The following TMEM163 variants were observed in gnomAD, a reference collection of about 807,000 sequenced individuals.
TMEM163 encodes the protein transmembrane protein 163.
In TMEM163, 17 loss-of-function variants were observed where a neutral mutation model predicts 29.3. The observed-to-expected ratio is 0.58, with a 90% CI of 0.40 to 0.87. TMEM163 has a LOEUF of 0.87. Among genes scored for constraint, TMEM163 ranks in the 40% least tolerant of loss-of-function variants. The probability of loss-of-function intolerance (pLI) is 0.00; values close to 1 mark genes in which losing one functional copy is unlikely to be tolerated. For synonymous variants in TMEM163, 157 were observed against 160.6 expected, an observed-to-expected ratio of 0.98 and a Z score of 0.17; for missense variants, 303 against 381.5, an observed-to-expected ratio of 0.79 and a Z score of 1.71.
chr2:134,511,783 C>G (rs1023286962), intron 4 of TMEM163, among the ~76,000 whole-genome samples: 1 of 152,212 alleles, frequency 6.6e-6, no homozygotes, highest in Non-Finnish European at 1.5e-5. Context: ...GCTACTTTAG[C>G]CAACTGTTTA....
chr2:134,511,559 G>A (rs1048614069), intron 4 of TMEM163, among the ~76,000 whole-genome samples: 5 of 152,216 alleles, frequency 3.3e-5, no homozygotes, highest in Non-Finnish European at 5.9e-5. Flanking sequence ...CTGCAGGGAC[G>A]CTGGAAGAGG....
chr2:134,514,887 G>A (rs965386342), intron 4 of TMEM163, among the ~76,000 whole-genome samples: 5 of 152,182 alleles, frequency 3.3e-5, no homozygotes, highest in African/African-American at 1.2e-4. Flanking sequence ...GGTCCTAGGA[G>A]AGGAGCTATT....
chr2:134,461,829 C>T (rs917902512), intron 6 of TMEM163, among the ~76,000 whole-genome samples: 5 of 152,226 alleles, frequency 3.3e-5, no homozygotes, highest in Non-Finnish European at 5.9e-5. Context: ...CGGCCCTCTC[C>T]CACAAAGGGG....
chr2:134,586,798 T>C (rs1681832464), intron 2 of TMEM163, among the ~76,000 whole-genome samples: 1 of 152,214 alleles, frequency 6.6e-6, no homozygotes, highest in Non-Finnish European at 1.5e-5. Context: ...TTGACATCTG[T>C]AATTAACCAC....
At chr2:134,594,753 G>A (rs1343634740) in intron 2 of TMEM163, among the ~76,000 whole-genome samples, 2 of 152,292 alleles carry the variant, frequency 1.3e-5, no homozygotes, top group East Asian at 1.9e-4. Flanking sequence ...GCCAACTTCA[G>A]AAGGAAGCTT....
intron 2 of TMEM163, among the ~76,000 whole-genome samples, chr2:134,656,538 G>T (rs61314604): frequency 6.6e-6 from 1 of 151,704 alleles, no homozygotes; most frequent in Non-Finnish European, 1.5e-5. Context: ...GCTGTAGACC[G>T]GAGCTGTTCC....
chr2:134,655,921 G>A (rs1683596181), intron 2 of TMEM163, among the ~76,000 whole-genome samples: 1 of 142,522 alleles, frequency 7.0e-6, no homozygotes, highest in South Asian at 2.2e-4. Context: ...ATCTCCAGCT[G>A]TGTGCTGGGA....
chr2:134,640,194 G>C (rs1683194042), intron 2 of TMEM163, among the ~76,000 whole-genome samples: 1 of 152,148 alleles, frequency 6.6e-6, no homozygotes, highest in Admixed American at 6.5e-5. Context: ...GAAGGGATGA[G>C]CCATGCTGTG....
intron 2 of TMEM163, among the ~76,000 whole-genome samples, chr2:134,702,168 C>T (rs1684719248): frequency 6.6e-6 from 1 of 152,142 alleles, no homozygotes; most frequent in South Asian, 2.1e-4. Context: ...TCAGAACAGC[C>T]TTTTAATGAC....
Position 134,456,138 on chromosome 2 carries a change from C to G in TMEM163, c.*578G>C, listed in dbSNP as rs1306329508. ...CCATGCAAAGCTTATACGTGTATCA[C>G]TAAGTACTTTAAAAAATAGAATGGT... On this transcript the variant is annotated 3_prime_UTR_variant, in exon 8 of 8. Coordinates refer to ENST00000281924, the MANE Select transcript of TMEM163 (RefSeq NM_030923.5). 1 of 153,150 alleles carries G rather than the reference C, an allele frequency of 6.5e-6. No individual in the cohort carries two copies. Among genetic ancestry groups the G allele is most frequent in the Non-Finnish European group, 1.5e-5 (1 of 68,468 alleles). The allele number at this position is 153,150 out of a possible 1,614,324, so 9.5% of individuals were successfully genotyped here. A position where few individuals can be genotyped will look rare whatever the true frequency, so the allele number is the denominator to read the frequency against.
At chr2:134,535,489 G>C (rs796749279) in intron 4 of TMEM163, among the ~76,000 whole-genome samples, 11 of 152,290 alleles carry the variant, frequency 7.2e-5, no homozygotes, top group African/African-American at 2.6e-4. Context: ...AGTCCTTTCA[G>C]AGATTTCCCC....
chr2:134,504,435 A>G (rs928568533), intron 4 of TMEM163, among the ~76,000 whole-genome samples: 2 of 150,594 alleles, frequency 1.3e-5, no homozygotes, highest in African/African-American at 4.8e-5. Context: ...TCACCCCCCA[A>G]GGGACACAGG....
rs370657026 is a variant in TMEM163 at position 134,518,496 on chromosome 2, C to T, written c.459-15499G>A. 1.7e-4 allele frequency among the ~76,000 whole-genome samples: 26 copies of T among 152,298 alleles called. No individual in the cohort carries two copies. In the East Asian group the frequency reaches 3.3e-3, roughly 19 times the overall value. ...GGGAAATTAAGGAACCTAAATGTAA[C>T]GCACCACAGTGCTGACTAAATACAA... is the stretch of plus-strand genomic sequence containing the variant. On this transcript the variant is annotated intron_variant, in intron 4 of 7. Transcript: ENST00000281924.
At chr2:134,617,984 T>G (rs114092387) in intron 2 of TMEM163, among the ~76,000 whole-genome samples, 1,539 of 152,130 alleles carry the variant, frequency 0.01, 34 homozygotes, top group African/African-American at 0.035. Flanking sequence ...CATAGTGGCA[T>G]GCATCTGTGG....
At chr2:134,623,424 C>T (rs529716325) in intron 2 of TMEM163, among the ~76,000 whole-genome samples, 1 of 152,190 alleles carries the variant, frequency 6.6e-6, no homozygotes, top group South Asian at 2.1e-4. Context: ...ATATTAGACA[C>T]GGGAAAAACC....
chr2:134,664,146 G>A (rs974340361), intron 2 of TMEM163, among the ~76,000 whole-genome samples: 1 of 152,256 alleles, frequency 6.6e-6, no homozygotes, highest in African/African-American at 2.4e-5. Context: ...AGCAGGAAAA[G>A]CAAGCTCCCT....
intron 7 of TMEM163, among the ~76,000 whole-genome samples, chr2:134,457,536 G>A (rs1201546517): frequency 6.6e-6 from 1 of 152,244 alleles, no homozygotes; most frequent in Non-Finnish European, 1.5e-5. Flanking sequence ...TCCAGCCTGG[G>A]TGCTGAAGTC....
chr2:134,608,669 G>T (rs1682418317), intron 2 of TMEM163, among the ~76,000 whole-genome samples: 1 of 90,464 alleles, frequency 1.1e-5, no homozygotes, highest in Non-Finnish European at 2.4e-5. Context: ...AACTGTACTG[G>T]TGAAAAGGAT....
intron 1 of TMEM163, among the ~76,000 whole-genome samples, chr2:134,715,211 A>G (rs1017112529): frequency 1.3e-5 from 2 of 152,210 alleles, no homozygotes; most frequent in African/African-American, 2.4e-5. Context: ...CTTCAGCCGC[A>G]TAACATTTAT....
Sources: allele counts gnomAD v4.1 joint callset (sites outside exome capture counted in the v4.1 genomes callset), GRCh38; gene constraint gnomAD v4.1.1; transcripts MANE v1.5; gene names NCBI Gene and HGNC (gene_info 2026-07-23, HGNC 2026-07-21).